BNC2: variants seen among roughly 807,000 people sequenced by gnomAD.
BNC2 encodes the protein basonuclin zinc finger protein 2.
BNC2 carries 20 observed loss-of-function variants against 76.3 expected under a neutral mutation model. That is an observed-to-expected ratio of 0.26 (90% CI 0.18 to 0.38). The LOEUF (loss-of-function observed/expected upper bound fraction) is 0.38, where lower values mean the gene tolerates loss of function less well. Among genes scored for constraint, BNC2 ranks in the 10% least tolerant of loss-of-function variants. The probability of loss-of-function intolerance (pLI) is 1.00; values close to 1 mark genes in which losing one functional copy is unlikely to be tolerated. For synonymous variants in BNC2, 582 were observed against 514.8 expected, an observed-to-expected ratio of 1.13 and a Z score of -1.77; for missense variants, 1,382 against 1,399.8, an observed-to-expected ratio of 0.99 and a Z score of 0.20.
intron 1 of BNC2, among the ~76,000 whole-genome samples, chr9:16,844,879 G>C (rs1015430788): frequency 5.9e-5 from 9 of 152,196 alleles, no homozygotes; most frequent in African/African-American, 2.2e-4. Flanking sequence ...ACTCATCACT[G>C]TATGTAAATT....
chr9:16,733,702 G>T (rs919811533), intron 2 of BNC2, among the ~76,000 whole-genome samples: 1 of 152,074 alleles, frequency 6.6e-6, no homozygotes, highest in Non-Finnish European at 1.5e-5. Context: ...ACTCATAAAG[G>T]TACTCATCTT....
intron 3 of BNC2, among the ~76,000 whole-genome samples, chr9:16,698,785 T>A (rs774443842): frequency 2.0e-5 from 3 of 152,174 alleles, no homozygotes; most frequent in Non-Finnish European, 4.4e-5. Flanking sequence ...CATATACATG[T>A]AACATCATCC....
At chr9:16,638,108 C>G (rs1309479394) in intron 3 of BNC2, among the ~76,000 whole-genome samples, 1 of 152,162 alleles carries the variant, frequency 6.6e-6, no homozygotes, top group Non-Finnish European at 1.5e-5. Flanking sequence ...CTTCTTTGGT[C>G]TGGTAATCAG....
At chr9:16,627,770 A>T (rs557583552) in intron 3 of BNC2, among the ~76,000 whole-genome samples, 181 of 152,224 alleles carry the variant, frequency 1.2e-3, no homozygotes, top group Non-Finnish European at 2.2e-3. Flanking sequence ...CGTCATGGGC[A>T]TTTTTCAGCA....
intron 5 of BNC2, among the ~76,000 whole-genome samples, chr9:16,513,257 T>G (rs894001976): frequency 2.0e-5 from 3 of 151,324 alleles, no homozygotes; most frequent in African/African-American, 7.3e-5. Context: ...TTAAAGTAAA[T>G]AGCTTTTATG....
intron 5 of BNC2, among the ~76,000 whole-genome samples, chr9:16,503,146 G>A (rs780036483): frequency 1.7e-4 from 26 of 152,016 alleles, no homozygotes; most frequent in Non-Finnish European, 3.7e-4. Context: ...AATATAAGAG[G>A]AAAAACATTT....
At chr9:16,496,730 G>A (rs1322519752) in intron 5 of BNC2, among the ~76,000 whole-genome samples, 1 of 152,134 alleles carries the variant, frequency 6.6e-6, no homozygotes, top group African/African-American at 2.4e-5. Flanking sequence ...CTTTTTTAAA[G>A]ATGGGGAGGG....
intron 3 of BNC2, chr9:16,699,113 C>A: frequency 8.9e-6 from 4 of 447,842 alleles, no homozygotes; most frequent in Non-Finnish European, 1.8e-5. Flanking sequence ...TGTTGCTGTT[C>A]TGTTTTTGTT....
chr9:16,624,093 G>A (rs2133625154), intron 3 of BNC2, among the ~76,000 whole-genome samples: 1 of 152,186 alleles, frequency 6.6e-6, no homozygotes, highest in South Asian at 2.1e-4. Context: ...TTTTTTAAAA[G>A]CCTTATTTCT....
chr9:16,497,801 T>G (rs1255281917), intron 5 of BNC2, among the ~76,000 whole-genome samples: 2 of 151,958 alleles, frequency 1.3e-5, no homozygotes, highest in African/African-American at 2.4e-5. Context: ...GAAAGAACAA[T>G]TATACAGAAA....
Position 16,554,628 on chromosome 9 carries a change from C to CA in BNC2, c.434-1864dup, listed in dbSNP as rs561775480. Among the ~76,000 whole-genome samples, 290 of 152,156 alleles carry CA rather than the reference C, an allele frequency of 1.9e-3. 1 individual carries two copies. Among genetic ancestry groups the CA allele is most frequent in the African/African-American group, 6.0e-3 (250 of 41,546 alleles). Reference sequence around the variant, plus strand: ...CTCACTCCACAGGGCATTTAGACTGCAAAAAAGCAGGGATGGGGTATTACT... The same window carrying CA: ...CTCACTCCACAGGGCATTTAGACTGCAAAAAAAGCAGGGATGGGGTATTACT... On this transcript the variant is annotated intron_variant, in intron 4 of 6. Transcript: ENST00000380672.
At chr9:16,465,825 G>T (rs1821694069) in intron 5 of BNC2, among the ~76,000 whole-genome samples, 1 of 152,016 alleles carries the variant, frequency 6.6e-6, no homozygotes, top group South Asian at 2.1e-4. Flanking sequence ...TCTGGTTCTG[G>T]CCAGGGCATT....
At chr9:16,455,618 C>T (rs897952754) in intron 5 of BNC2, among the ~76,000 whole-genome samples, 1 of 152,104 alleles carries the variant, frequency 6.6e-6, no homozygotes, top group East Asian at 1.9e-4. Context: ...TGGTGAAACC[C>T]TGTCTCTACT....
At chr9:16,608,062 ATCAAATTTACG>A (rs1279766529) in intron 3 of BNC2, among the ~76,000 whole-genome samples, 2 of 152,326 alleles carry the variant, frequency 1.3e-5, no homozygotes, top group Admixed American at 1.3e-4. Flanking sequence ...AATTTGAGAC[ATCAAATTTACG>A]TCAGGGGAGG....
At chr9:16,479,160 G>C (rs1196559366) in intron 5 of BNC2, among the ~76,000 whole-genome samples, 1 of 151,312 alleles carries the variant, frequency 6.6e-6, no homozygotes, top group Non-Finnish European at 1.5e-5. Context: ...TCTGAGGCAG[G>C]AGAACTGCTT....
At chr9:16,764,582 T>C (rs1460861385) in intron 1 of BNC2, among the ~76,000 whole-genome samples, 1 of 152,182 alleles carries the variant, frequency 6.6e-6, no homozygotes, top group Non-Finnish European at 1.5e-5. Flanking sequence ...TCATTGGCCC[T>C]TTTACAAGAC....
At chr9:16,754,452 T>G (rs1274226757) in intron 1 of BNC2, among the ~76,000 whole-genome samples, 1 of 152,234 alleles carries the variant, frequency 6.6e-6, no homozygotes, top group Admixed American at 6.5e-5. Context: ...TCACTGCTAT[T>G]TTAATCCAGA....
chr9:16,659,152 G>T (rs974996148), intron 3 of BNC2, among the ~76,000 whole-genome samples: 4 of 152,150 alleles, frequency 2.6e-5, no homozygotes, highest in Admixed American at 1.3e-4. Context: ...GATGGCGGGG[G>T]GGGGCATGTG....
At chr9:16,668,202 A>G (rs905065936) in intron 3 of BNC2, among the ~76,000 whole-genome samples, 4 of 152,178 alleles carry the variant, frequency 2.6e-5, no homozygotes, top group African/African-American at 7.2e-5. Flanking sequence ...TGCCCAGGCT[A>G]GTCTGGAAGA....
Sources: gnomAD v4.1 joint callset for allele counts (sites outside exome capture counted in the v4.1 genomes callset) on GRCh38, gnomAD v4.1.1 for gene constraint, MANE v1.5 for transcripts, NCBI Gene and HGNC (gene_info 2026-07-23, HGNC 2026-07-21) for gene names.